HPSE2: variants seen among roughly 807,000 people sequenced by gnomAD.
HPSE2 encodes inactive heparanase-2.
A neutral mutation model predicts 60.5 loss-of-function variants in HPSE2; 38 were observed. The observed-to-expected ratio is 0.63, with a 90% CI of 0.48 to 0.82. The LOEUF (loss-of-function observed/expected upper bound fraction) is 0.82, where lower values mean the gene tolerates loss of function less well. HPSE2 is among the 40% of genes least tolerant of loss of function. The pLI is 0.00. For missense variants in HPSE2, 713 were observed against 740.4 expected (o/e 0.96, Z 0.43); for synonymous variants, 295 against 293.2 (o/e 1.01, Z -0.06).
At chr10:98,577,279 A>G (rs1589445248) in intron 9 of HPSE2, among the ~76,000 whole-genome samples, 1 of 152,168 alleles carries the variant, frequency 6.6e-6, no homozygotes, top group Non-Finnish European at 1.5e-5. Context: ...CAACTTGAAA[A>G]TATGTTTATT....
At chr10:98,687,778 TATG>T (rs1452200859) in intron 6 of HPSE2, among the ~76,000 whole-genome samples, 1 of 152,204 alleles carries the variant, frequency 6.6e-6, no homozygotes, top group African/African-American at 2.4e-5. Flanking sequence ...ACCAGCTTTT[TATG>T]ATAACTGCTT....
At chr10:99,142,959 C>T (rs1227153240) in intron 3 of HPSE2, among the ~76,000 whole-genome samples, 6 of 151,880 alleles carry the variant, frequency 4.0e-5, no homozygotes, top group African/African-American at 4.9e-5. Flanking sequence ...CACACACACA[C>T]GCACGTATTT....
Position 98,639,529 on chromosome 10 carries a change from G to A in HPSE2, c.1098+2318C>T, listed in dbSNP as rs547148268. Among the ~76,000 whole-genome samples the A allele has an allele frequency of 2.0e-5, 3 of 152,248 alleles. No homozygotes were observed. The East Asian group carries it at 5.8e-4, about 29-fold the overall frequency. On this transcript the variant is annotated intron_variant, in intron 7 of 11. Coordinates refer to ENST00000370552, the MANE Select transcript of HPSE2 (RefSeq NM_021828.5). Reference sequence around the variant, plus strand: ...CAGGGGCTCTACTGTTCCTCCCAGTGACAGCACTTCCCCTTCCCCTTCTAA... The same window carrying A: ...CAGGGGCTCTACTGTTCCTCCCAGTAACAGCACTTCCCCTTCCCCTTCTAA...
chr10:98,739,008 A>G (rs888600158), intron 4 of HPSE2, among the ~76,000 whole-genome samples: 3 of 152,222 alleles, frequency 2.0e-5, no homozygotes, highest in African/African-American at 7.2e-5. Flanking sequence ...TTCTTCCATA[A>G]AGACACATGC....
At chr10:98,590,771 G>T (rs1945068434) in intron 9 of HPSE2, among the ~76,000 whole-genome samples, 2 of 152,190 alleles carry the variant, frequency 1.3e-5, no homozygotes, top group Admixed American at 6.5e-5. Context: ...TGGTTACAGA[G>T]TGGTTTCTGG....
chr10:98,954,978 T>TTATATA (rs5787317), intron 3 of HPSE2, among the ~76,000 whole-genome samples: 12 of 145,318 alleles, frequency 8.3e-5, no homozygotes, highest in South Asian at 2.1e-4. Flanking sequence ...ATATACATAT[T>TTATATA]TATATATATA....
At chr10:98,983,250 A>C (rs1956250436) in intron 3 of HPSE2, among the ~76,000 whole-genome samples, 1 of 152,172 alleles carries the variant, frequency 6.6e-6, no homozygotes, top group Non-Finnish European at 1.5e-5. Flanking sequence ...CATAATGTAG[A>C]ATCAGTGGGA....
At chr10:99,135,200 C>T (rs186398434) in intron 3 of HPSE2, among the ~76,000 whole-genome samples, 4,263 of 115,854 alleles carry the variant, frequency 0.037, 206 homozygotes, top group Admixed American at 0.17. Context: ...AATACAAGAA[C>T]ACTCAGCAAG....
chr10:98,956,479 T>C (rs3897502), intron 3 of HPSE2, among the ~76,000 whole-genome samples: 131,811 of 152,190 alleles, frequency 0.87, 57,545 homozygotes, highest in African/African-American at 0.97. Flanking sequence ...TAGAGGTAGA[T>C]AGCTCGGGGC....
intron 3 of HPSE2, among the ~76,000 whole-genome samples, chr10:98,819,643 A>C (rs1048653677): frequency 5.9e-5 from 9 of 152,156 alleles, no homozygotes; most frequent in Non-Finnish European, 8.8e-5. Context: ...TTGACAGTTT[A>C]ATTCTTTTTA....
chr10:99,027,281 A>C (rs1564747484), intron 3 of HPSE2, among the ~76,000 whole-genome samples: 1 of 151,906 alleles, frequency 6.6e-6, no homozygotes. Context: ...AAAAAAAAAA[A>C]AGACATTACA....
At chr10:98,987,910 TA>T (rs1320269511) in intron 3 of HPSE2, among the ~76,000 whole-genome samples, 1 of 152,046 alleles carries the variant, frequency 6.6e-6, no homozygotes, top group East Asian at 1.9e-4. Context: ...TCAAAGAGAA[TA>T]AAATACCTAG....
At chr10:99,186,374 C>A (rs1848024118) in intron 2 of HPSE2, among the ~76,000 whole-genome samples, 1 of 151,670 alleles carries the variant, frequency 6.6e-6, no homozygotes. Flanking sequence ...GAAACCCTGT[C>A]TCTACTAAAA....
chr10:98,807,497 G>T (rs986107114), intron 3 of HPSE2, among the ~76,000 whole-genome samples: 3 of 152,172 alleles, frequency 2.0e-5, no homozygotes, highest in African/African-American at 7.2e-5. Context: ...TCAAAGTTGT[G>T]AATTTTAAAG....
At chr10:99,213,704 A>G (rs1436141746) in intron 2 of HPSE2, among the ~76,000 whole-genome samples, 1 of 151,992 alleles carries the variant, frequency 6.6e-6, no homozygotes, top group Non-Finnish European at 1.5e-5. Flanking sequence ...ACTGCCCACC[A>G]ATGGGCAGAG....
chr10:98,711,081 G>A (rs187945780), intron 5 of HPSE2, among the ~76,000 whole-genome samples: 1 of 151,946 alleles, frequency 6.6e-6, no homozygotes, highest in Non-Finnish European at 1.5e-5. Flanking sequence ...AGGGAAATGG[G>A]GGATGATGAG....
chr10:98,788,678 G>A (rs937780789), intron 3 of HPSE2, among the ~76,000 whole-genome samples: 5 of 152,084 alleles, frequency 3.3e-5, no homozygotes, highest in Non-Finnish European at 5.9e-5. Flanking sequence ...TCTGAAAAGC[G>A]CAATATTTGG....
intron 3 of HPSE2, among the ~76,000 whole-genome samples, chr10:99,011,364 A>G (rs1715749041): frequency 1.3e-5 from 2 of 152,134 alleles, no homozygotes; most frequent in African/African-American, 4.8e-5. Context: ...CTATTATTCA[A>G]TAAAATCTTC....
chr10:98,728,149 TG>T (rs1472028507), intron 4 of HPSE2, among the ~76,000 whole-genome samples: 2 of 152,126 alleles, frequency 1.3e-5, no homozygotes, highest in African/African-American at 2.4e-5. Context: ...CATGAATAAC[TG>T]TAAAAAATAT....
Sources: allele counts gnomAD v4.1 joint callset (sites outside exome capture counted in the v4.1 genomes callset), GRCh38; gene constraint gnomAD v4.1.1; transcripts MANE v1.5; gene names NCBI Gene and HGNC (gene_info 2026-07-23, HGNC 2026-07-21).